Variants in PTPRT observed in about 807,000 individuals in gnomAD.
The protein encoded by PTPRT is receptor-type tyrosine-protein phosphatase T.
Under a neutral mutation model 176.8 loss-of-function variants are expected in PTPRT, and 56 were observed. That is an observed-to-expected ratio of 0.32 (90% confidence interval 0.26 to 0.40). The LOEUF is 0.40. Ranked by LOEUF, PTPRT falls within the 10% of genes least tolerant of loss-of-function variation. The pLI is 1.00. For missense variants in PTPRT, 1,540 were observed against 1,908.2 expected, an observed-to-expected ratio of 0.81 and a Z score of 3.60; for synonymous variants, 783 against 739.0, an observed-to-expected ratio of 1.06 and a Z score of -0.96.
chr20:42,655,872 A>T (rs3092131), intron 7 of PTPRT, among the ~76,000 whole-genome samples: 7,963 of 152,248 alleles, frequency 0.052, 739 homozygotes, highest in African/African-American at 0.18. Flanking sequence ...AGGCATAAGG[A>T]CTTGAAGTTC....
intron 1 of PTPRT, among the ~76,000 whole-genome samples, chr20:43,005,320 G>A (rs778305687): frequency 1.3e-5 from 2 of 152,020 alleles, no homozygotes; most frequent in South Asian, 2.1e-4. Flanking sequence ...TGTGACTCCC[G>A]GTGCTCTGGC....
chr20:42,632,319 A>G (rs886211019), intron 7 of PTPRT, among the ~76,000 whole-genome samples: 3 of 152,122 alleles, frequency 2.0e-5, no homozygotes, highest in Non-Finnish European at 4.4e-5. Flanking sequence ...GCTCACTGCA[A>G]TCTCTGCCTC....
chr20:43,140,276 C>T (rs924225661), intron 1 of PTPRT, among the ~76,000 whole-genome samples: 1 of 152,130 alleles, frequency 6.6e-6, no homozygotes, highest in Non-Finnish European at 1.5e-5. Flanking sequence ...TATTTCACAG[C>T]ATGGACATTT....
intron 1 of PTPRT, among the ~76,000 whole-genome samples, chr20:43,155,354 G>A (rs530752152): frequency 2.2e-4 from 33 of 152,298 alleles, no homozygotes; most frequent in African/African-American, 5.5e-4. Context: ...CCATATCAAG[G>A]ATGAAGCCCT....
intron 1 of PTPRT, among the ~76,000 whole-genome samples, chr20:42,894,279 G>A (rs1349655471): frequency 6.6e-6 from 1 of 152,150 alleles, no homozygotes; most frequent in East Asian, 1.9e-4. Flanking sequence ...TGTGAGCTGA[G>A]CTTGATAACG....
chr20:43,062,972 A>G (rs1347669193), intron 1 of PTPRT, among the ~76,000 whole-genome samples: 3 of 152,200 alleles, frequency 2.0e-5, no homozygotes, highest in Non-Finnish European at 4.4e-5. Flanking sequence ...TTTTCAAGCT[A>G]AAATCTGTGA....
At chr20:42,358,324 A>G (rs1388188376) in intron 9 of PTPRT, among the ~76,000 whole-genome samples, 1 of 152,158 alleles carries the variant, frequency 6.6e-6, no homozygotes, top group Non-Finnish European at 1.5e-5. Flanking sequence ...TTGTGGCTGC[A>G]GAACAGAACC....
intron 7 of PTPRT, among the ~76,000 whole-genome samples, chr20:42,595,548 G>A (rs2073655711): frequency 6.6e-6 from 1 of 152,154 alleles, no homozygotes; most frequent in South Asian, 2.1e-4. Context: ...TGAGCTAAGT[G>A]GTGCCAGAGA....
intron 1 of PTPRT, among the ~76,000 whole-genome samples, chr20:43,011,605 C>T (rs1038551724): frequency 6.6e-6 from 1 of 152,184 alleles, no homozygotes; most frequent in Non-Finnish European, 1.5e-5. Flanking sequence ...AGGAAGCTGG[C>T]AGGTATTTAC....
At chr20:42,581,461 C>G (rs1445092428) in intron 7 of PTPRT, among the ~76,000 whole-genome samples, 1 of 151,438 alleles carries the variant, frequency 6.6e-6, no homozygotes, top group South Asian at 2.1e-4. Context: ...ACCTAGTAAG[C>G]AGCTGACACA....
Position 42,084,794 on chromosome 20 carries a change from C to T in PTPRT, c.4024G>A (p.Ala1342Thr). ...VQHLQYIGWPAYRDTPPSKRS... is the reference protein window; with the variant it reads ...VQHLQYIGWPTYRDTPPSKRS... ...TTGGAGGGGGGCGTGTCCCGGTAGGCAGGCCAGCCAATGTACTGGAGGTGC... is the reference window on the plus strand; with the variant it reads ...TTGGAGGGGGGCGTGTCCCGGTAGGTAGGCCAGCCAATGTACTGGAGGTGC... The change falls in exon 29 of 31, where the codon GCC becomes ACC. Residue 1342 changes from alanine (A) to threonine (T), a missense_variant. Transcript: ENST00000373187. 6.5e-7 allele frequency: 1 copy of T among 1,548,846 alleles called. No homozygotes were observed. The highest frequency in any genetic ancestry group is 8.8e-7 in the Non-Finnish European group (1 of 1,142,676).
chr20:42,661,540 G>A (rs995333332), intron 7 of PTPRT, among the ~76,000 whole-genome samples: 4 of 152,100 alleles, frequency 2.6e-5, no homozygotes, highest in African/African-American at 9.7e-5. Context: ...AGTAGTTATA[G>A]TGGCTGCATC....
At chr20:42,054,973 A>G in the PTPRT span, among the ~76,000 whole-genome samples, 3 of 152,214 alleles carry the variant, frequency 2.0e-5, no homozygotes, top group Non-Finnish European at 2.9e-5. Context: ...GAATCGTTTT[A>G]AAGAAGTTCT....
chr20:42,155,225 G>C (rs1568975957), intron 17 of PTPRT, among the ~76,000 whole-genome samples: 1 of 152,180 alleles, frequency 6.6e-6, no homozygotes, highest in South Asian at 2.1e-4. Context: ...ACTTCCCCAG[G>C]TAACTCTAAT....
chr20:42,233,174 A>T (rs957793096), intron 15 of PTPRT, among the ~76,000 whole-genome samples: 2 of 151,752 alleles, frequency 1.3e-5, no homozygotes, highest in Non-Finnish European at 2.9e-5. Context: ...TCCACCTGGC[A>T]CTCTCATCTG....
chr20:43,021,292 C>T (rs150754532), intron 1 of PTPRT, among the ~76,000 whole-genome samples: 1 of 152,220 alleles, frequency 6.6e-6, no homozygotes, highest in African/African-American at 2.4e-5. Context: ...GAAGGCATTT[C>T]CTAAACACAT....
rs370475573 is a variant in PTPRT, at chr20:43,188,666, A to G, written c.88+980T>C. Among the ~76,000 whole-genome samples the G allele has an allele frequency of 2.3e-4, 34 of 147,726 alleles. No individual in the cohort carries two copies. The East Asian group carries it at 5.7e-3, about 25-fold the overall frequency. On this transcript the variant is annotated intron_variant, in intron 1 of 30. Coordinates refer to ENST00000373187, the MANE Select transcript of PTPRT (RefSeq NM_007050.6). ...GGCCGGCGTGGTTACACCAAAAGCA[A>G]TCGGTGCTAAGAAACTTTAAGGTGA...
At position 42,633,803 on chromosome 20, in the gene PTPRT, ATATATATATATATAT is replaced by A. The variant is rs1569037132; in HGVS notation, c.1153+44048_1153+44062del. Among the ~76,000 whole-genome samples the A allele has an allele frequency of 3.4e-3, 324 of 95,492 alleles. 20 individuals carry two copies. Among genetic ancestry groups the A allele is most frequent in the African/African-American group, 0.015 (306 of 20,706 alleles). 62.6% of individuals were successfully genotyped at this position (95,492 alleles called of 152,430 possible). A position where few individuals can be genotyped will look rare whatever the true frequency, so the allele number is the denominator to read the frequency against. On this transcript the variant is annotated intron_variant, in intron 7 of 30. Transcript: ENST00000373187. ...TCTGAAAATATATATATATATATATATATATATATATATATAATAAAATATTAATATATTATAATA... is the reference window on the plus strand; with the variant it reads ...TCTGAAAATATATATATATATATATAAATAAAATATTAATATATTATAATA...
chr20:42,770,991 C>A (rs1314988061), intron 5 of PTPRT, among the ~76,000 whole-genome samples: 1 of 152,182 alleles, frequency 6.6e-6, no homozygotes, highest in Admixed American at 6.5e-5. Flanking sequence ...ATCTCCCTTC[C>A]CTGTACACAC....
Sources: allele counts gnomAD v4.1 joint callset (sites outside exome capture counted in the v4.1 genomes callset), GRCh38; gene constraint gnomAD v4.1.1; transcripts MANE v1.5; gene names NCBI Gene and HGNC (gene_info 2026-07-23, HGNC 2026-07-21).